RBFOX1: variants seen among roughly 807,000 people sequenced by gnomAD.
RBFOX1 encodes RNA binding protein fox-1 homolog 1.
RBFOX1 carries 8 observed loss-of-function variants against 57.7 expected under a neutral mutation model. The ratio of observed to expected loss-of-function variants is 0.14; its 90% CI spans 0.08 to 0.25. The LOEUF (loss-of-function observed/expected upper bound fraction) is 0.25. Among genes scored for constraint, RBFOX1 ranks in the 10% least tolerant of loss-of-function variants. The pLI, the probability that RBFOX1 is intolerant of heterozygous loss-of-function variation, is 1.00. For missense variants in RBFOX1, 611 were observed against 548.5 expected (o/e 1.11, Z -1.14); for synonymous variants, 326 against 222.4 (o/e 1.47, Z -4.15).
intron 2 of RBFOX1, among the ~76,000 whole-genome samples, chr16:6,502,664 T>C (rs1264417731): frequency 1.3e-5 from 2 of 152,146 alleles, no homozygotes; most frequent in African/African-American, 2.4e-5. Flanking sequence ...TGTGGAACTT[T>C]TCTATTGTTA....
intron 1 of RBFOX1, among the ~76,000 whole-genome samples, chr16:6,132,120 T>G (rs929453142): frequency 6.6e-6 from 1 of 152,202 alleles, no homozygotes. Flanking sequence ...TAACGACCAA[T>G]TGAGAGAGAA....
At chr16:6,432,835 G>A (rs1457223863) in intron 2 of RBFOX1, among the ~76,000 whole-genome samples, 3 of 151,974 alleles carry the variant, frequency 2.0e-5, no homozygotes, top group African/African-American at 7.3e-5. Flanking sequence ...AAACTTAGCT[G>A]GGCGTGGTGG....
chr16:7,662,729 T>G lies in RBFOX1; in HGVS notation c.891-2200T>G, dbSNP rs566355386. The stretch of plus-strand genomic sequence containing the variant: ...CCCAGCTGCAGGTGGGCACCGGGTC[T>G]CAAACATGGTGACCTCGTTAGAGCT... On this transcript the variant is annotated intron_variant, in intron 12 of 15. Coordinates refer to ENST00000550418, the MANE Select transcript of RBFOX1 (RefSeq NM_018723.4). Among the ~76,000 whole-genome samples, 356 of 152,332 alleles carry G rather than the reference T, an allele frequency of 2.3e-3. 2 individuals carry two copies. Among genetic ancestry groups the G allele is most frequent in the African/African-American group, 8.2e-3 (339 of 41,574 alleles).
At chr16:5,422,631 G>C in intron 1 of RBFOX1, among the ~76,000 whole-genome samples, 1 of 123,016 alleles carries the variant, frequency 8.1e-6, no homozygotes, top group East Asian at 2.9e-4. Flanking sequence ...GGACAGGGAG[G>C]AGGAGGGAGA....
chr16:7,050,621 C>A (rs1261530802), intron 3 of RBFOX1, among the ~76,000 whole-genome samples: 2 of 152,042 alleles, frequency 1.3e-5, no homozygotes, highest in Non-Finnish European at 2.9e-5. Flanking sequence ...AAGATAGGAA[C>A]CATAATATTG....
intron 3 of RBFOX1, among the ~76,000 whole-genome samples, chr16:7,049,099 G>A (rs8049388): frequency 0.69 from 105,041 of 152,052 alleles, 36,431 homozygotes; most frequent in South Asian, 0.71. Flanking sequence ...AATACTGTTT[G>A]GGGGTGATTT....
intron 2 of RBFOX1, among the ~76,000 whole-genome samples, chr16:6,603,700 T>C (rs552112905): frequency 6.6e-6 from 1 of 152,280 alleles, no homozygotes; most frequent in African/African-American, 2.4e-5. Context: ...CCCAATCCTC[T>C]TCTTTCCCAT....
intron 4 of RBFOX1, among the ~76,000 whole-genome samples, chr16:7,136,381 C>G (rs78261424): frequency 6.7e-6 from 1 of 149,938 alleles, no homozygotes; most frequent in South Asian, 2.1e-4. Context: ...AGTAGAGATA[C>G]AGAACATCTC....
chr16:7,552,775 C>T (rs2086959016), intron 5 of RBFOX1, among the ~76,000 whole-genome samples: 1 of 152,102 alleles, frequency 6.6e-6, no homozygotes, highest in Non-Finnish European at 1.5e-5. Flanking sequence ...CTCTGCCTCC[C>T]AGGCTCAAGA....
At chr16:6,280,136 G>C (rs931538091) in intron 1 of RBFOX1, among the ~76,000 whole-genome samples, 17 of 152,054 alleles carry the variant, frequency 1.1e-4, no homozygotes, top group African/African-American at 3.9e-4. Context: ...GAACTGATGG[G>C]AAAACTCAGA....
chr16:5,556,240 C>T (rs1018749406), intron 2 of RBFOX1, among the ~76,000 whole-genome samples: 1 of 152,178 alleles, frequency 6.6e-6, no homozygotes, highest in African/African-American at 2.4e-5. Flanking sequence ...CTTTGCTTTG[C>T]TTTAAGGCTA....
At chr16:5,473,234 G>A (rs1440876667) in intron 2 of RBFOX1, among the ~76,000 whole-genome samples, 1 of 152,066 alleles carries the variant, frequency 6.6e-6, no homozygotes, top group Admixed American at 6.6e-5. Flanking sequence ...CAAGAAATAT[G>A]TCTCATTCAC....
intron 3 of RBFOX1, among the ~76,000 whole-genome samples, chr16:7,048,960 C>T (rs1031311876): frequency 3.3e-5 from 5 of 152,160 alleles, no homozygotes; most frequent in Admixed American, 6.5e-5. Context: ...TGTTGGGTGT[C>T]TCCCATATAT....
intron 4 of RBFOX1, among the ~76,000 whole-genome samples, chr16:7,481,688 A>G (rs889102347): frequency 6.6e-6 from 1 of 152,224 alleles, no homozygotes; most frequent in Admixed American, 6.5e-5. Flanking sequence ...TGAGTATGAC[A>G]TGAACTACAG....
In RBFOX1 at chr16:6,889,884, G is replaced by C. The variant is rs139815425; in HGVS notation, c.-15-162173G>C. On this transcript the variant is annotated intron_variant, in intron 3 of 15. Coordinates refer to ENST00000550418, the MANE Select transcript of RBFOX1 (RefSeq NM_018723.4). ...GGGTGGAGAAAGTTTTCCTTTTTGAGTTTTCTTTTAACACATTGTATAGCA... is the reference window on the plus strand; with the variant it reads ...GGGTGGAGAAAGTTTTCCTTTTTGACTTTTCTTTTAACACATTGTATAGCA... Among the ~76,000 whole-genome samples, 1,022 of 152,214 alleles carry C rather than the reference G, an allele frequency of 6.7e-3. 10 individuals are homozygous for C. Among genetic ancestry groups the C allele is most frequent in the African/African-American group, 0.023 (967 of 41,532 alleles).
rs141680558 is a variant in RBFOX1 at position 5,621,813 on chromosome 16, A to G, written c.318+22852A>G. Among the ~76,000 whole-genome samples, 16 of 152,308 alleles carry G rather than the reference A, an allele frequency of 1.1e-4. 1 individual carries two copies. The highest frequency in any genetic ancestry group is 3.8e-4 in the African/African-American group (16 of 41,564). ...GGGTACTGTATTTGGATTTGGTGCA[A>G]ATGTGTATCTATCCAGGTACATATT... On this transcript the variant is annotated intron_variant, in intron 3 of 19. Coordinates refer to the RBFOX1 transcript ENST00000641259.
At chr16:5,790,674 A>G (rs1326126917) in intron 3 of RBFOX1, among the ~76,000 whole-genome samples, 1 of 152,032 alleles carries the variant, frequency 6.6e-6, no homozygotes, top group African/African-American at 2.4e-5. Flanking sequence ...GAAGACAACA[A>G]TACCTACTCC....
At chr16:6,164,729 TGGCCTTCCAAA>T (rs2096904414) in intron 1 of RBFOX1, among the ~76,000 whole-genome samples, 1 of 152,114 alleles carries the variant, frequency 6.6e-6, no homozygotes, top group South Asian at 2.1e-4. Context: ...CCACCCCCCT[TGGCCTTCCAAA>T]GTGCTGGTGT....
intron 1 of RBFOX1, among the ~76,000 whole-genome samples, chr16:6,082,398 C>T (rs908215096): frequency 2.8e-5 from 3 of 108,298 alleles, no homozygotes; most frequent in African/African-American, 3.6e-5. Flanking sequence ...GTCATGGGGT[C>T]TCACCAGGCT....
Sources: gnomAD v4.1 joint callset for allele counts (sites outside exome capture counted in the v4.1 genomes callset) on GRCh38, gnomAD v4.1.1 for gene constraint, MANE v1.5 for transcripts, NCBI Gene and HGNC (gene_info 2026-07-23, HGNC 2026-07-21) for gene names.